Variants in SLC25A21 observed in about 807,000 individuals in gnomAD.
The protein encoded by SLC25A21 is solute carrier family 25 member 21.
A neutral mutation model predicts 43.8 loss-of-function variants in SLC25A21; 47 were observed. The ratio of observed to expected loss-of-function variants is 1.07; its 90% CI spans 0.85 to 1.37. SLC25A21 has a LOEUF of 1.37. Among genes scored for constraint, SLC25A21 ranks in the 40% most tolerant of loss-of-function variants. SLC25A21 has a pLI of 0.00. For synonymous variants in SLC25A21, 131 were observed against 121.3 expected (o/e 1.08, Z -0.52); for missense variants, 352 against 350.2 (o/e 1.00, Z -0.04).
At chr14:37,020,118 G>T (rs1297248443) in intron 1 of SLC25A21, among the ~76,000 whole-genome samples, 1 of 151,818 alleles carries the variant, frequency 6.6e-6, no homozygotes, top group East Asian at 1.9e-4. Context: ...TTTTAAGAAT[G>T]CCAGCTAATT....
chr14:37,050,519 G>C (rs1258776884), intron 1 of SLC25A21, among the ~76,000 whole-genome samples: 1 of 152,142 alleles, frequency 6.6e-6, no homozygotes, highest in Non-Finnish European at 1.5e-5. Context: ...GGGTACCTTG[G>C]ATTCTTCCAA....
At chr14:36,957,323 G>A (rs1425569559) in intron 1 of SLC25A21, among the ~76,000 whole-genome samples, 1 of 151,588 alleles carries the variant, frequency 6.6e-6, no homozygotes, top group Non-Finnish European at 1.5e-5. Flanking sequence ...TCACTGGGAT[G>A]CCTGGGAAAA....
intron 1 of SLC25A21, among the ~76,000 whole-genome samples, chr14:37,032,114 ATG>A (rs1204605079): frequency 1.5e-5 from 2 of 136,496 alleles, no homozygotes; most frequent in African/African-American, 6.6e-5. Context: ...AGCTATCTAC[ATG>A]TTATATTTGA....
chr14:36,739,872 C>T lies in SLC25A21; in HGVS notation c.204-5299G>A, dbSNP rs1031584556. On this transcript the variant is annotated intron_variant, in intron 3 of 9. Coordinates refer to ENST00000331299, the MANE Select transcript of SLC25A21 (RefSeq NM_030631.4). ...ATAAAGCAGAATTGTTCAAACCCAT[C>T]ATGGTGGCCTCATTCCTTTTCTAGT... 5.9e-5 allele frequency among the ~76,000 whole-genome samples: 9 copies of T among 152,230 alleles called. No individual in the cohort carries two copies. The East Asian group carries it at 1.7e-3, about 30-fold the overall frequency.
At chr14:36,706,345 A>G (rs1170532006) in intron 7 of SLC25A21, among the ~76,000 whole-genome samples, 3 of 152,176 alleles carry the variant, frequency 2.0e-5, no homozygotes, top group African/African-American at 7.2e-5. Context: ...TTGTTTTTCA[A>G]TTTACAGATT....
At chr14:36,835,934 G>A (rs1889193923) in intron 2 of SLC25A21, among the ~76,000 whole-genome samples, 1 of 152,136 alleles carries the variant, frequency 6.6e-6, no homozygotes, top group African/African-American at 2.4e-5. Context: ...CCAGCCACTT[G>A]TCTTATTTTC....
At chr14:36,898,886 T>TA (rs1195995119) in intron 1 of SLC25A21, among the ~76,000 whole-genome samples, 4 of 152,196 alleles carry the variant, frequency 2.6e-5, no homozygotes, top group African/African-American at 9.7e-5. Flanking sequence ...TGACTTTAAT[T>TA]AACAAAATAT....
chr14:36,705,073 C>G (rs534978047), intron 7 of SLC25A21, among the ~76,000 whole-genome samples: 1 of 151,824 alleles, frequency 6.6e-6, no homozygotes, highest in Non-Finnish European at 1.5e-5. Flanking sequence ...TTTTTTGAGA[C>G]GGATCTCACT....
At chr14:36,864,346 C>A (rs1890152365) in intron 2 of SLC25A21, among the ~76,000 whole-genome samples, 1 of 152,182 alleles carries the variant, frequency 6.6e-6, no homozygotes, top group Non-Finnish European at 1.5e-5. Flanking sequence ...CAAGTGGAGC[C>A]TGGCCAACTG....
chr14:36,837,248 G>C (rs1436678519), intron 2 of SLC25A21, among the ~76,000 whole-genome samples: 1 of 151,978 alleles, frequency 6.6e-6, no homozygotes, highest in Non-Finnish European at 1.5e-5. Context: ...CACTGAGCTG[G>C]GGCTAAATGT....
At chr14:36,921,003 A>G (rs1891963958) in intron 1 of SLC25A21, among the ~76,000 whole-genome samples, 1 of 152,170 alleles carries the variant, frequency 6.6e-6, no homozygotes, top group Non-Finnish European at 1.5e-5. Flanking sequence ...AATTACACTG[A>G]TAACTATTGA....
At chr14:36,911,098 C>T (rs892512575) in intron 1 of SLC25A21, among the ~76,000 whole-genome samples, 2 of 152,186 alleles carry the variant, frequency 1.3e-5, no homozygotes, top group Non-Finnish European at 2.9e-5. Context: ...CTTATGATGG[C>T]ATTTCTTGTA....
intron 1 of SLC25A21, among the ~76,000 whole-genome samples, chr14:37,170,696 G>C (rs1050730148): frequency 2.6e-5 from 4 of 151,950 alleles, no homozygotes; most frequent in Non-Finnish European, 5.9e-5. Context: ...GGAGGTCAAG[G>C]GGGTCAGATT....
chr14:36,714,123 C>T (rs1341653931), intron 6 of SLC25A21, among the ~76,000 whole-genome samples: 1 of 152,206 alleles, frequency 6.6e-6, no homozygotes, highest in Non-Finnish European at 1.5e-5. Flanking sequence ...ATTCACTATA[C>T]ATTTAGGTGT....
intron 6 of SLC25A21, among the ~76,000 whole-genome samples, chr14:36,724,925 C>T (rs901329124): frequency 1.3e-4 from 20 of 151,860 alleles, no homozygotes; most frequent in African/African-American, 4.8e-4. Flanking sequence ...CATTCTAGAG[C>T]AATTGAAAAG....
At chr14:36,819,924 T>C (rs1412917610) in intron 2 of SLC25A21, among the ~76,000 whole-genome samples, 1 of 152,190 alleles carries the variant, frequency 6.6e-6, no homozygotes, top group Non-Finnish European at 1.5e-5. Flanking sequence ...TATCTTTATA[T>C]GAATATGCAG....
At chr14:37,143,249 A>C (rs959061796) in intron 1 of SLC25A21, among the ~76,000 whole-genome samples, 15 of 152,234 alleles carry the variant, frequency 9.9e-5, no homozygotes, top group African/African-American at 2.2e-4. Flanking sequence ...TAACCAGCTT[A>C]CGAAAGCAAA....
chr14:37,051,353 C>T lies in SLC25A21; in HGVS notation c.70+120928G>A, dbSNP rs1034053225. Among the ~76,000 whole-genome samples the T allele has an allele frequency of 3.3e-5, 5 of 152,092 alleles. No individual in the cohort carries two copies. In the East Asian group the frequency reaches 7.7e-4, roughly 23 times the overall value. Reference sequence around the variant, plus strand: ...GGTTCTGGAAACTACAAATGGGAAACGTGACTCATGAATGTACTGGCTTCA... The same window carrying T: ...GGTTCTGGAAACTACAAATGGGAAATGTGACTCATGAATGTACTGGCTTCA... On this transcript the variant is annotated intron_variant, in intron 1 of 9. Transcript: ENST00000331299.
intron 1 of SLC25A21, among the ~76,000 whole-genome samples, chr14:36,904,592 G>C (rs1047228367): frequency 5.9e-5 from 9 of 152,156 alleles, no homozygotes; most frequent in Non-Finnish European, 1.0e-4. Context: ...ATAAACAAAA[G>C]AGGTTTAATT....
Sources: allele counts gnomAD v4.1 joint callset (sites outside exome capture counted in the v4.1 genomes callset), GRCh38; gene constraint gnomAD v4.1.1; transcripts MANE v1.5; gene names NCBI Gene and HGNC (gene_info 2026-07-23, HGNC 2026-07-21).